The following FAT3 variants were observed in gnomAD, a reference collection of about 807,000 sequenced individuals.
FAT3 encodes protocadherin Fat 3.
Under a neutral mutation model 310.2 loss-of-function variants are expected in FAT3, and 95 were observed. That is an observed-to-expected ratio of 0.31 (90% confidence interval 0.26 to 0.36). The LOEUF (loss-of-function observed/expected upper bound fraction) is 0.36, where lower values mean the gene tolerates loss of function less well. Among genes scored for constraint, FAT3 ranks in the 10% least tolerant of loss-of-function variants. The probability of loss-of-function intolerance (pLI) is 1.00; values close to 1 mark genes in which losing one functional copy is unlikely to be tolerated. For missense variants in FAT3, 5,408 were observed against 5,715.6 expected (o/e 0.95, Z 1.74); for synonymous variants, 2,314 against 2,192.9 (o/e 1.06, Z -1.54).
At position 92,800,459 on chromosome 11, in the gene FAT3, G is replaced by T. The variant is rs368004953; in HGVS notation, c.7446G>T (p.Val2482=). The T allele has an allele frequency of 1.1e-5, 18 of 1,613,846 alleles. No homozygotes were observed. Among genetic ancestry groups the T allele is most frequent in the African/African-American group, 5.3e-5 (4 of 74,912 alleles). The change falls in exon 10 of 28, where the codon GTG becomes GTT. Residue 2482 remains valine, a synonymous_variant. Transcript: ENST00000525166. The part of the protein sequence containing the change: ...SDGLFTSTAQ[V]HIRVLGANLY... ...GGTTGTTCACCAGCACTGCACAGGT[G>T]CATATTAGGGTACTTGGGGCTAACT...
At chr11:92,846,714 A>T (rs1300445042) in intron 19 of FAT3, among the ~76,000 whole-genome samples, 4 of 152,160 alleles carry the variant, frequency 2.6e-5, no homozygotes, top group African/African-American at 9.7e-5. Flanking sequence ...CTCCCAGTAA[A>T]TTTAGAATGC....
intron 4 of FAT3, among the ~76,000 whole-genome samples, chr11:92,719,581 ATTAC>A (rs551488141): frequency 2.4e-3 from 365 of 152,274 alleles, no homozygotes; most frequent in Non-Finnish European, 3.7e-3. Context: ...TTTATACTAT[ATTAC>A]TTAGGAAACA....
intron 3 of FAT3, among the ~76,000 whole-genome samples, chr11:92,603,623 A>C (rs1940135426): frequency 6.6e-6 from 1 of 152,178 alleles, no homozygotes; most frequent in Non-Finnish European, 1.5e-5. Context: ...CTTCTGACCC[A>C]TTTAATTCTT....
chr11:92,368,597 C>A (rs1327085036), intron 2 of FAT3, among the ~76,000 whole-genome samples: 1 of 152,072 alleles, frequency 6.6e-6, no homozygotes, highest in African/African-American at 2.4e-5. Context: ...CATGTCTAAT[C>A]ATTTGGTAGT....
At chr11:92,666,407 A>G (rs963398046) in intron 3 of FAT3, among the ~76,000 whole-genome samples, 8 of 147,984 alleles carry the variant, frequency 5.4e-5, no homozygotes, top group Non-Finnish European at 1.5e-5. Context: ...GCTGGAGTGC[A>G]GTGGCCTGAT....
intron 1 of FAT3, among the ~76,000 whole-genome samples, chr11:92,234,438 C>T (rs999313647): frequency 2.0e-5 from 3 of 152,144 alleles, no homozygotes; most frequent in Non-Finnish European, 4.4e-5. Context: ...AAATGTCCAC[C>T]TAGTTTATGG....
At chr11:92,701,177 T>C (rs1944086392) in intron 4 of FAT3, among the ~76,000 whole-genome samples, 2 of 152,168 alleles carry the variant, frequency 1.3e-5, no homozygotes, top group Non-Finnish European at 2.9e-5. Flanking sequence ...TAAAATAAAA[T>C]TGACTCTTCT....
chr11:92,640,130 T>C (rs1376422643), intron 3 of FAT3, among the ~76,000 whole-genome samples: 1 of 152,086 alleles, frequency 6.6e-6, no homozygotes, highest in East Asian at 1.9e-4. Context: ...AACAGGGAGT[T>C]TAGAGAGGCT....
intron 2 of FAT3, among the ~76,000 whole-genome samples, chr11:92,447,172 C>CATATGTGTGTGTATATGTGTGTTCATAT (rs1951233129): frequency 6.6e-6 from 1 of 150,632 alleles, no homozygotes; most frequent in Non-Finnish European, 1.5e-5. Flanking sequence ...TGTATGTGTA[C>CATATGTGTGTGTATATGTGTGTTCATAT]ATATGTGTGT....
chr11:92,399,726 C>T (rs1313749351), intron 2 of FAT3, among the ~76,000 whole-genome samples: 1 of 152,186 alleles, frequency 6.6e-6, no homozygotes, highest in Non-Finnish European at 1.5e-5. Context: ...TGGTGAGCCC[C>T]TTAAGTGGCA....
chr11:92,603,156 C>G (rs1565449068), intron 3 of FAT3, among the ~76,000 whole-genome samples: 2 of 152,300 alleles, frequency 1.3e-5, no homozygotes, highest in Non-Finnish European at 2.9e-5. Context: ...GTAAGCTTCA[C>G]TGGGCTTCCA....
intron 3 of FAT3, among the ~76,000 whole-genome samples, chr11:92,626,821 A>G (rs1941357539): frequency 6.6e-6 from 1 of 152,178 alleles, no homozygotes; most frequent in Admixed American, 6.6e-5. Flanking sequence ...TCTGCCAGCT[A>G]TTAAGCTTGC....
intron 1 of FAT3, among the ~76,000 whole-genome samples, chr11:92,339,849 C>G (rs1485290659): frequency 6.6e-6 from 1 of 151,928 alleles, no homozygotes; most frequent in Non-Finnish European, 1.5e-5. Context: ...CGCGGTGGCT[C>G]AAGCCTGTAA....
At position 92,549,647 on chromosome 11, in the gene FAT3, A is replaced by C. The variant is rs376537030; in HGVS notation, c.3607+24699A>C. 1.9e-4 allele frequency among the ~76,000 whole-genome samples: 29 copies of C among 152,306 alleles called. No individual in the cohort carries two copies. In the South Asian group the frequency reaches 5.4e-3, roughly 28 times the overall value. On this transcript the variant is annotated intron_variant, in intron 3 of 27. Transcript: ENST00000525166. ...AAACATACTTAGCATTCATTATTTAATGCTCACAATAACACACTGAAGTGA... is the reference window on the plus strand; with the variant it reads ...AAACATACTTAGCATTCATTATTTACTGCTCACAATAACACACTGAAGTGA...
intron 3 of FAT3, among the ~76,000 whole-genome samples, chr11:92,540,756 T>A (rs1369860643): frequency 9.8e-6 from 1 of 102,212 alleles, no homozygotes; most frequent in Non-Finnish European, 2.1e-5. Context: ...TTTTGTTTTG[T>A]TTTGTTTTGT....
intron 23 of FAT3, 68 bp from the exon 24 acceptor site, chr11:92,882,663 GTTTTCTC>G (rs1949699065): frequency 7.5e-7 from 1 of 1,327,262 alleles, no homozygotes; most frequent in African/African-American, 1.6e-5. Flanking sequence ...AGATGTCTGT[GTTTTCTC>G]GAGTTCCCGT....
intron 2 of FAT3, among the ~76,000 whole-genome samples, chr11:92,382,517 G>GT (rs1335328363): frequency 6.6e-6 from 1 of 152,070 alleles, no homozygotes; most frequent in Non-Finnish European, 1.5e-5. Flanking sequence ...ATCCTGCCTC[G>GT]TAAGAGGGAC....
chr11:92,611,637 G>T (rs779146484), intron 3 of FAT3, among the ~76,000 whole-genome samples: 1 of 151,224 alleles, frequency 6.6e-6, no homozygotes, highest in Middle Eastern at 3.3e-3. Flanking sequence ...CAAGAGATCC[G>T]TCTGCTTTAA....
At chr11:92,597,910 A>T (rs376612093) in intron 3 of FAT3, among the ~76,000 whole-genome samples, 1 of 152,178 alleles carries the variant, frequency 6.6e-6, no homozygotes, top group Non-Finnish European at 1.5e-5. Context: ...TCTCTGCAGG[A>T]TATCTTTTTC....
Sources: gnomAD v4.1 joint callset for allele counts (sites outside exome capture counted in the v4.1 genomes callset) on GRCh38, gnomAD v4.1.1 for gene constraint, MANE v1.5 for transcripts, NCBI Gene and HGNC (gene_info 2026-07-23, HGNC 2026-07-21) for gene names.